Variants in XPNPEP3 observed in about 807,000 individuals in gnomAD.
XPNPEP3 encodes X-prolyl aminopeptidase 3, also known as xaa-Pro aminopeptidase 3.
In XPNPEP3, 41 loss-of-function variants were observed where a neutral mutation model predicts 60.0. That is an observed-to-expected ratio of 0.68 (90% CI 0.53 to 0.89). The LOEUF is 0.89. XPNPEP3 is among the 40% of genes least tolerant of loss of function. The probability of loss-of-function intolerance (pLI) is 0.00; values close to 1 mark genes in which losing one functional copy is unlikely to be tolerated. For missense variants in XPNPEP3, 598 were observed against 638.9 expected, an observed-to-expected ratio of 0.94 and a Z score of 0.69; for synonymous variants, 212 against 223.2, an observed-to-expected ratio of 0.95 and a Z score of 0.45.
intron 1 of XPNPEP3, among the ~76,000 whole-genome samples, chr22:40,857,882 A>G (rs912374679): frequency 6.6e-6 from 1 of 152,224 alleles, no homozygotes; most frequent in African/African-American, 2.4e-5. Flanking sequence ...ATATATGAAC[A>G]ATGTGTGAAC....
chr22:40,916,515 G>T (rs188393604), intron 7 of XPNPEP3, among the ~76,000 whole-genome samples: 1 of 152,176 alleles, frequency 6.6e-6, no homozygotes, highest in East Asian at 1.9e-4. Context: ...TAAACATAGA[G>T]CAACTAGCTA....
intron 2 of XPNPEP3, among the ~76,000 whole-genome samples, chr22:40,875,362 A>T (rs911105045): frequency 3.3e-5 from 5 of 152,028 alleles, no homozygotes; most frequent in African/African-American, 1.2e-4. Context: ...TAGAGATGGG[A>T]TCTCACTTTG....
At chr22:40,861,215 A>C (rs748478222) in intron 1 of XPNPEP3, 1 of 1,614,154 alleles carries the variant, frequency 6.2e-7, no homozygotes, top group Non-Finnish European at 8.5e-7. Context: ...CCACGAAAGT[A>C]TATTGAGATA....
At chr22:40,889,595 G>A (rs901456691) in intron 4 of XPNPEP3, among the ~76,000 whole-genome samples, 4 of 152,220 alleles carry the variant, frequency 2.6e-5, no homozygotes, top group African/African-American at 9.6e-5. Context: ...AGGCCAAGGT[G>A]GGAGGATCAC....
chr22:40,922,719 T>TACACAC (rs1169515438), intron 8 of XPNPEP3, among the ~76,000 whole-genome samples: 1 of 145,720 alleles, frequency 6.9e-6, no homozygotes, highest in South Asian at 2.1e-4. Flanking sequence ...CATGTAGATA[T>TACACAC]ATACACACAC....
At chr22:40,914,127 A>T (rs2058186426) in intron 6 of XPNPEP3, 112 bp from the exon 7 acceptor site, 1 of 885,032 alleles carries the variant, frequency 1.1e-6, no homozygotes, top group Non-Finnish European at 1.8e-6. Context: ...GGGCAACAAG[A>T]GTGAAACTCC....
In XPNPEP3 at chr22:40,922,393, G is replaced by A; in HGVS notation, c.1116G>A (p.Leu372=). The change falls in exon 8 of 10, where the codon TTG becomes TTA. Residue 372 remains leucine (L), a synonymous_variant. Coordinates refer to ENST00000357137, the MANE Select transcript of XPNPEP3 (RefSeq NM_022098.4). ...TTCTAGAGATCCAAAGAGATTGTTT[G>A]GCCCTCTGCTTCCCTGGGACAAGCT... ...EAVLEIQRDC[L]ALCFPGTSLE... is the part of the protein sequence containing the mutation. The A allele has an allele frequency of 6.2e-7, 1 of 1,613,810 alleles. No individual in the cohort carries two copies. Among genetic ancestry groups the A allele is most frequent in the East Asian group, 2.2e-5 (1 of 44,880 alleles).
chr22:40,923,442 G>C (rs775159570), intron 8 of XPNPEP3, among the ~76,000 whole-genome samples: 19 of 151,980 alleles, frequency 1.3e-4, no homozygotes, highest in African/African-American at 1.7e-4. Flanking sequence ...AAGTCAGATA[G>C]ACCATTAGGC....
At position 40,906,163 on chromosome 22, in the gene XPNPEP3, GCTC is replaced by G. The variant is rs760328266; in HGVS notation, c.793-1421_793-1419del. Among the ~76,000 whole-genome samples, 103 of 152,208 alleles carry G rather than the reference GCTC, an allele frequency of 6.8e-4. No homozygotes were observed. The Middle Eastern group carries it at 0.014, about 20-fold the overall frequency. ...ACTATGTTGCCCAGGCTGGTCTCGAGCTCCTGAGCTCAAGCGATCCTCTCATCT... is the reference window on the plus strand; with the variant it reads ...ACTATGTTGCCCAGGCTGGTCTCGAGCTGAGCTCAAGCGATCCTCTCATCT... On this transcript the variant is annotated intron_variant, in intron 4 of 9. Coordinates refer to ENST00000357137, the MANE Select transcript of XPNPEP3 (RefSeq NM_022098.4).
intron 1 of XPNPEP3, chr22:40,860,583 A>C (rs1442246436): frequency 1.3e-5 from 16 of 1,192,276 alleles, no homozygotes; most frequent in Admixed American, 1.2e-4. Context: ...TAATTAGAAA[A>C]AAGAAAAATA....
chr22:40,904,090 A>G (rs2058145400), intron 4 of XPNPEP3, among the ~76,000 whole-genome samples: 1 of 152,200 alleles, frequency 6.6e-6, no homozygotes, highest in Non-Finnish European at 1.5e-5. Context: ...TTAGTGAAGT[A>G]AGAGTGTTAA....
chr22:40,929,323 C>G lies in XPNPEP3; in HGVS notation c.*2888C>G, dbSNP rs529481329. On this transcript the variant is annotated 3_prime_UTR_variant, in exon 10 of 10. Transcript: ENST00000357137. ...TCTCCTGCCTCAGCCTCCCGAATAG[C>G]TAGGAATACAGGCGCCTGCCACCAC... is the stretch of plus-strand genomic sequence containing the variant. The G allele has an allele frequency of 6.6e-6, 1 of 151,970 alleles. No individual in the cohort carries two copies. Among genetic ancestry groups the G allele is most frequent in the Non-Finnish European group, 1.5e-5 (1 of 68,154 alleles). The allele number at this position is 151,970 out of a possible 1,614,324, so 9.4% of individuals were successfully genotyped here. A position where few individuals can be genotyped will look rare whatever the true frequency, so the allele number is the denominator to read the frequency against.
At position 40,932,144 on chromosome 22, in the gene XPNPEP3, T is replaced by C. The variant is rs1016864241; in HGVS notation, c.*5709T>C. The C allele has an allele frequency of 3.9e-5, 6 of 152,202 alleles. No individual in the cohort carries two copies. The highest frequency in any genetic ancestry group is 8.8e-5 in the Non-Finnish European group (6 of 68,048). 9.4% of individuals were successfully genotyped at this position (152,202 alleles called of 1,614,324 possible). The stretch of plus-strand genomic sequence containing the variant: ...CAGTCCAGCGGTGACCTCGGAGTCC[T>C]TTGTAACAGTGTTTCCAATAACTTC... On this transcript the variant is annotated 3_prime_UTR_variant, in exon 10 of 10. Coordinates refer to ENST00000357137, the MANE Select transcript of XPNPEP3 (RefSeq NM_022098.4).
In XPNPEP3 at chr22:40,907,580, T is replaced by C. The variant is rs964033957; in HGVS notation, c.793-7T>C. On this transcript the variant is annotated splice_polypyrimidine_tract_variant and splice_region_variant and intron_variant, in intron 4 of 9. Transcript: ENST00000357137. ...CGTGTTCTTTTCATCCTCCTTTCTC[T>C]TTGCAGGCTTTCATAGAAACCATGT... 6 of 1,613,532 alleles carry C rather than the reference T, an allele frequency of 3.7e-6. No individual in the cohort carries two copies. Among genetic ancestry groups the C allele is most frequent in the Non-Finnish European group, 5.1e-6 (6 of 1,179,460 alleles).
intron 4 of XPNPEP3, among the ~76,000 whole-genome samples, chr22:40,887,047 T>G (rs2058072186): frequency 6.6e-6 from 1 of 152,094 alleles, no homozygotes; most frequent in Non-Finnish European, 1.5e-5. Context: ...CCCATCAATC[T>G]TAATTATTTC....
At chr22:40,878,967 G>T (rs1366734326) in intron 2 of XPNPEP3, among the ~76,000 whole-genome samples, 1 of 151,930 alleles carries the variant, frequency 6.6e-6, no homozygotes, top group Non-Finnish European at 1.5e-5. Context: ...AAGAAAATAA[G>T]ATGAAAAAAA....
intron 9 of XPNPEP3, among the ~76,000 whole-genome samples, chr22:40,924,975 A>G (rs2058229909): frequency 6.6e-6 from 1 of 152,180 alleles, no homozygotes; most frequent in Non-Finnish European, 1.5e-5. Flanking sequence ...TAAACAACAG[A>G]TGGGGAATAC....
intron 4 of XPNPEP3, among the ~76,000 whole-genome samples, chr22:40,888,704 A>G (rs1397919662): frequency 1.3e-5 from 2 of 151,196 alleles, no homozygotes; most frequent in Non-Finnish European, 2.9e-5. Context: ...CTTGTGTTCA[A>G]GTCTCTTTTA....
chr22:40,912,332 A>T (rs1194676542), intron 6 of XPNPEP3, among the ~76,000 whole-genome samples: 3 of 152,170 alleles, frequency 2.0e-5, no homozygotes, highest in African/African-American at 4.8e-5. Context: ...CATATCTGCA[A>T]CTGTGATAGT....
Sources: allele counts gnomAD v4.1 joint callset (sites outside exome capture counted in the v4.1 genomes callset), GRCh38; gene constraint gnomAD v4.1.1; transcripts MANE v1.5; gene names NCBI Gene and HGNC (gene_info 2026-07-23, HGNC 2026-07-21).